Variants in BTBD9 observed in about 807,000 individuals in gnomAD.
BTBD9 encodes the protein BTB domain containing 9, also known as BTB/POZ domain-containing protein 9.
In BTBD9, 49 loss-of-function variants were observed where a neutral mutation model predicts 64.3. The ratio of observed to expected loss-of-function variants is 0.76; its 90% CI spans 0.61 to 0.97. The LOEUF (loss-of-function observed/expected upper bound fraction) is 0.97, where lower values mean the gene tolerates loss of function less well. Among genes scored for constraint, BTBD9 ranks in the 50% least tolerant of loss-of-function variants. The probability of loss-of-function intolerance (pLI) is 0.00; values close to 1 mark genes in which losing one functional copy is unlikely to be tolerated. For synonymous variants in BTBD9, 260 were observed against 274.7 expected, an observed-to-expected ratio of 0.95 and a Z score of 0.53; for missense variants, 598 against 762.1, an observed-to-expected ratio of 0.78 and a Z score of 2.53.
intron 1 of BTBD9, among the ~76,000 whole-genome samples, chr6:38,635,607 G>A (rs1778503287): frequency 6.6e-6 from 1 of 152,214 alleles, no homozygotes; most frequent in African/African-American, 2.4e-5. Context: ...TGCCAGTAGA[G>A]TGGGAATAGG....
At chr6:38,336,077 A>G (rs1381668465) in intron 7 of BTBD9, among the ~76,000 whole-genome samples, 2 of 152,122 alleles carry the variant, frequency 1.3e-5, no homozygotes, top group Non-Finnish European at 2.9e-5. Context: ...GGACTAATAC[A>G]CATATGTACA....
At chr6:38,597,862 G>A in intron 2 of BTBD9, 48 bp downstream of exon 2, 2 of 1,528,982 alleles carry the variant, frequency 1.3e-6, no homozygotes, top group African/African-American at 1.4e-5. Context: ...AAATACCAGT[G>A]TTTTCTACAA....
intron 1 of BTBD9, among the ~76,000 whole-genome samples, chr6:38,619,826 G>A (rs1273658259): frequency 6.6e-6 from 1 of 152,148 alleles, no homozygotes; most frequent in Non-Finnish European, 1.5e-5. Flanking sequence ...GTTGTAATTG[G>A]GAGACTTTGC....
intron 6 of BTBD9, among the ~76,000 whole-genome samples, chr6:38,544,207 C>G (rs928237288): frequency 6.6e-6 from 1 of 152,038 alleles, no homozygotes. Context: ...TATAAGTAAT[C>G]CAGAGATGAC....
At chr6:38,228,672 G>C (rs1451534479) in intron 9 of BTBD9, among the ~76,000 whole-genome samples, 1 of 144,006 alleles carries the variant, frequency 6.9e-6, no homozygotes, top group African/African-American at 2.6e-5. Flanking sequence ...TCAGGAGATC[G>C]AGACCACCCT....
intron 6 of BTBD9, among the ~76,000 whole-genome samples, chr6:38,410,853 C>A (rs376240135): frequency 3.9e-5 from 6 of 152,128 alleles, no homozygotes; most frequent in African/African-American, 1.4e-4. Flanking sequence ...CATAGTGAGA[C>A]CCTGTCTCTA....
At chr6:38,517,631 C>T (rs1184715027) in intron 6 of BTBD9, among the ~76,000 whole-genome samples, 4 of 152,184 alleles carry the variant, frequency 2.6e-5, no homozygotes, top group Admixed American at 1.3e-4. Context: ...TAACTAGGAA[C>T]AGGAGACAGG....
intron 6 of BTBD9, among the ~76,000 whole-genome samples, chr6:38,485,478 C>T (rs1771352743): frequency 2.0e-5 from 3 of 152,204 alleles, no homozygotes; most frequent in Non-Finnish European, 1.5e-5. Context: ...CCACGGGCTG[C>T]AGAATGGATG....
rs70981541 is a variant in BTBD9 at position 38,328,968 on chromosome 6, ATGTGTGTGTGTGTGTGTGTGTG to A, written c.1264+15994_1264+16015del. 3.9e-5 allele frequency among the ~76,000 whole-genome samples: 5 copies of A among 127,318 alleles called. No homozygotes were observed. The South Asian group carries it at 8.2e-4, about 21-fold the overall frequency. 83.5% of individuals were successfully genotyped at this position (127,318 alleles called of 152,430 possible). ...TCTCAAAAAAAAAAAGAAAGAAAAT[ATGTGTGTGTGTGTGTGTGTGTG>A]TGTGTGTGTGTGTGTGTGTGTGTAA... On this transcript the variant is annotated intron_variant, in intron 7 of 10. Transcript: ENST00000481247.
rs1398131513 is a variant in BTBD9 at position 38,171,929 on chromosome 6, GTGCTGGCCACCTCCCATTTCTT to G, written c.*3034_*3055del. 2.0e-5 allele frequency: 3 copies of G among 149,756 alleles called. No individual in the cohort carries two copies. Among genetic ancestry groups the G allele is most frequent in the Non-Finnish European group, 3.0e-5 (2 of 67,654 alleles). 9.3% of individuals were successfully genotyped at this position (149,756 alleles called of 1,614,324 possible). A position where few individuals can be genotyped will look rare whatever the true frequency, so the allele number is the denominator to read the frequency against. ...TAATAATGAAAAGTGAAGGGTGGGG[GTGCTGGCCACCTCCCATTTCTT>G]TGCCTGGGTGGTGGTGACCATGGCG... On this transcript the variant is annotated 3_prime_UTR_variant, in exon 11 of 11. Transcript: ENST00000481247.
chr6:38,281,202 T>C (rs943133344), intron 8 of BTBD9, among the ~76,000 whole-genome samples: 3 of 152,178 alleles, frequency 2.0e-5, no homozygotes, highest in Admixed American at 1.3e-4. Flanking sequence ...GTGCTTATCC[T>C]TCTGGAGGGA....
chr6:38,329,105 T>C (rs1286352388), intron 7 of BTBD9, among the ~76,000 whole-genome samples: 1 of 151,994 alleles, frequency 6.6e-6, no homozygotes, highest in Non-Finnish European at 1.5e-5. Flanking sequence ...TATTATGAAA[T>C]GTATGAATAT....
At position 38,169,899 on chromosome 6, in the gene BTBD9, T is replaced by TA. The variant is rs3833669; in HGVS notation, c.*5085dup. 96,432 of 151,630 alleles carry TA rather than the reference T, an allele frequency of 0.64. 31,904 individuals carry two copies. Among genetic ancestry groups the TA allele is most frequent in the Non-Finnish European group, 0.73 (49,815 of 67,862 alleles). 9.4% of individuals were successfully genotyped at this position (151,630 alleles called of 1,614,324 possible). On this transcript the variant is annotated 3_prime_UTR_variant, in exon 11 of 11. Coordinates refer to ENST00000481247, the MANE Select transcript of BTBD9 (RefSeq NM_001099272.2). ...CCTCTTGGGGACTATTTCAGTTCTT[T>TA]AAAAAAAAGAAGACACGAAGCTGAT...
At chr6:38,299,045 C>T (rs551329588) in intron 7 of BTBD9, among the ~76,000 whole-genome samples, 2 of 152,096 alleles carry the variant, frequency 1.3e-5, no homozygotes, top group Non-Finnish European at 1.5e-5. Flanking sequence ...TGTGATGTTC[C>T]CCTTCCTGTG....
At chr6:38,587,337 G>T in intron 4 of BTBD9, 1 of 449,844 alleles carries the variant, frequency 2.2e-6, no homozygotes, top group South Asian at 1.9e-5. Flanking sequence ...ACAGACAGTT[G>T]GACCTAAGTG....
At chr6:38,336,610 A>G (rs1225665573) in intron 7 of BTBD9, among the ~76,000 whole-genome samples, 2 of 152,136 alleles carry the variant, frequency 1.3e-5, no homozygotes, top group South Asian at 4.1e-4. Flanking sequence ...GGTCCCTCCC[A>G]CAACATGTGG....
At chr6:38,531,188 G>T (rs1773783827) in intron 6 of BTBD9, among the ~76,000 whole-genome samples, 1 of 152,050 alleles carries the variant, frequency 6.6e-6, no homozygotes, top group Admixed American at 6.6e-5. Context: ...AACTTCCGAA[G>T]GTCTAGGATA....
intron 6 of BTBD9, among the ~76,000 whole-genome samples, chr6:38,411,005 G>A (rs1260944544): frequency 6.6e-6 from 1 of 152,076 alleles, no homozygotes; most frequent in Non-Finnish European, 1.5e-5. Context: ...TGACCAGGTA[G>A]TTCTACTTGA....
intron 6 of BTBD9, among the ~76,000 whole-genome samples, chr6:38,365,903 A>G (rs1323813401): frequency 6.6e-6 from 1 of 152,216 alleles, no homozygotes; most frequent in Non-Finnish European, 1.5e-5. Flanking sequence ...GGAAGGAGAG[A>G]CTGCTCACAA....
Sources: allele counts gnomAD v4.1 joint callset (sites outside exome capture counted in the v4.1 genomes callset), GRCh38; gene constraint gnomAD v4.1.1; transcripts MANE v1.5; gene names NCBI Gene and HGNC (gene_info 2026-07-23, HGNC 2026-07-21).